MCU: variants seen among roughly 807,000 people sequenced by gnomAD.
MCU encodes mitochondrial calcium uniporter, also known as calcium uniporter protein, mitochondrial.
In MCU, 12 loss-of-function variants were observed where a neutral mutation model predicts 45.2. The observed-to-expected ratio is 0.27, with a 90% CI of 0.17 to 0.43. The LOEUF (loss-of-function observed/expected upper bound fraction) is 0.43, where lower values mean the gene tolerates loss of function less well. MCU is among the 20% of genes least tolerant of loss of function. MCU has a pLI of 1.00. For synonymous variants in MCU, 160 were observed against 165.1 expected (o/e 0.97, Z 0.24); for missense variants, 324 against 436.7 (o/e 0.74, Z 2.30).
At chr10:72,823,556 T>G (rs1320778406) in intron 1 of MCU, among the ~76,000 whole-genome samples, 6 of 152,210 alleles carry the variant, frequency 3.9e-5, no homozygotes, top group African/African-American at 1.4e-4. Flanking sequence ...TGATCTTCCC[T>G]TTTATACTGC....
chr10:72,780,552 T>TGTGTGTGTGTGTG (rs770728826), intron 1 of MCU, among the ~76,000 whole-genome samples: 316 of 20,304 alleles, frequency 0.016, 2 homozygotes, highest in Non-Finnish European at 0.026. Flanking sequence ...GTGTGTGTGT[T>TGTGTGTGTGTGTG]GGGTGAATTT....
chr10:72,873,745 T>C (rs1219076479), intron 6 of MCU, among the ~76,000 whole-genome samples: 1 of 152,234 alleles, frequency 6.6e-6, no homozygotes, highest in Non-Finnish European at 1.5e-5. Context: ...AGGTCTTAGA[T>C]TGAAGTCTTT....
chr10:72,692,636 C>G, intron 1 of MCU: 1 of 1,136,622 alleles, frequency 8.8e-7, no homozygotes, highest in Non-Finnish European at 1.1e-6. Context: ...CTTAACAGCC[C>G]TGCCCCAAGG....
At chr10:72,882,626 C>T (rs914687023) in intron 6 of MCU, among the ~76,000 whole-genome samples, 2 of 152,172 alleles carry the variant, frequency 1.3e-5, no homozygotes, top group Admixed American at 6.5e-5. Context: ...AGACCAGTTG[C>T]TCTCAAACCC....
At chr10:72,852,628 T>C (rs1845224219) in intron 2 of MCU, among the ~76,000 whole-genome samples, 1 of 152,126 alleles carries the variant, frequency 6.6e-6, no homozygotes, top group Non-Finnish European at 1.5e-5. Flanking sequence ...GGCCTCTAAA[T>C]TGCATCACAG....
intron 2 of MCU, among the ~76,000 whole-genome samples, chr10:72,851,884 C>T (rs2132858030): frequency 6.6e-6 from 1 of 152,228 alleles, no homozygotes; most frequent in Non-Finnish European, 1.5e-5. Flanking sequence ...CTAGCTAGGC[C>T]CAAGCCCAGG....
At chr10:72,756,081 T>A (rs1249404023) in intron 1 of MCU, among the ~76,000 whole-genome samples, 1 of 152,042 alleles carries the variant, frequency 6.6e-6, no homozygotes, top group African/African-American at 2.4e-5. Context: ...GAACTCCTGG[T>A]CTCAAGTGGA....
chr10:72,829,774 T>TA (rs2132827724), intron 1 of MCU, among the ~76,000 whole-genome samples: 1 of 152,316 alleles, frequency 6.6e-6, no homozygotes, highest in East Asian at 1.9e-4. Flanking sequence ...CTTGAGCTCT[T>TA]ACAATTGCTT....
chr10:72,775,359 T>C (rs1843875189), intron 1 of MCU, among the ~76,000 whole-genome samples: 1 of 151,884 alleles, frequency 6.6e-6, no homozygotes, highest in South Asian at 2.1e-4. Flanking sequence ...ATGGAAAATA[T>C]AACATACCAA....
intron 1 of MCU, among the ~76,000 whole-genome samples, chr10:72,733,456 C>CA (rs1251350900): frequency 1.3e-5 from 2 of 152,038 alleles, no homozygotes; most frequent in Non-Finnish European, 2.9e-5. Context: ...GAATCTGTCT[C>CA]AAAAACAACA....
intron 1 of MCU, among the ~76,000 whole-genome samples, chr10:72,730,202 C>A (rs989736420): frequency 1.3e-5 from 2 of 151,912 alleles, no homozygotes; most frequent in African/African-American, 4.8e-5. Flanking sequence ...CTAAAGTAAT[C>A]CGCTTGCCTT....
At chr10:72,811,899 T>C (rs1278566229) in intron 1 of MCU, among the ~76,000 whole-genome samples, 1 of 152,198 alleles carries the variant, frequency 6.6e-6, no homozygotes, top group Non-Finnish European at 1.5e-5. Context: ...TTTTCCTTTA[T>C]TACAGATATA....
intron 1 of MCU, among the ~76,000 whole-genome samples, chr10:72,755,738 C>T (rs1049281401): frequency 3.9e-5 from 6 of 152,086 alleles, no homozygotes; most frequent in Admixed American, 1.3e-4. Context: ...CTAAATATGG[C>T]ATCTCTTCAA....
At chr10:72,700,925 GA>G (rs1450848379) in intron 1 of MCU, among the ~76,000 whole-genome samples, 1 of 152,144 alleles carries the variant, frequency 6.6e-6, no homozygotes, top group East Asian at 1.9e-4. Flanking sequence ...GAAAACTACT[GA>G]GGAGTCCATT....
At chr10:72,883,361 G>T (rs1011749773) in intron 6 of MCU, among the ~76,000 whole-genome samples, 1 of 152,156 alleles carries the variant, frequency 6.6e-6, no homozygotes, top group African/African-American at 2.4e-5. Context: ...TGAGTAAATT[G>T]TATGGTATGT....
At chr10:72,729,741 C>T (rs1843146228) in intron 1 of MCU, among the ~76,000 whole-genome samples, 1 of 152,134 alleles carries the variant, frequency 6.6e-6, no homozygotes, top group South Asian at 2.1e-4. Context: ...TCAACCTTGG[C>T]ATGACTGATA....
At chr10:72,721,834 A>G (rs1049121070) in intron 1 of MCU, among the ~76,000 whole-genome samples, 1 of 152,104 alleles carries the variant, frequency 6.6e-6, no homozygotes, top group African/African-American at 2.4e-5. Flanking sequence ...CATAATGGTT[A>G]TATTTGCTGT....
chr10:72,697,435 T>TC (rs1842704132), intron 1 of MCU, among the ~76,000 whole-genome samples: 1 of 139,872 alleles, frequency 7.1e-6, no homozygotes, highest in African/African-American at 2.7e-5. Flanking sequence ...TATTTTTTTT[T>TC]TTTTTTTTTT....
chr10:72,701,391 G>T (rs1322164851), intron 1 of MCU, among the ~76,000 whole-genome samples: 1 of 152,196 alleles, frequency 6.6e-6, no homozygotes, highest in Non-Finnish European at 1.5e-5. Context: ...CCTGAGTCTG[G>T]CTAGAGTGAG....
Sources: gnomAD v4.1 joint callset for allele counts (sites outside exome capture counted in the v4.1 genomes callset) on GRCh38, gnomAD v4.1.1 for gene constraint, MANE v1.5 for transcripts, NCBI Gene and HGNC (gene_info 2026-07-23, HGNC 2026-07-21) for gene names.